Variants in KCTD3 observed in about 807,000 individuals in gnomAD.
The protein encoded by KCTD3 is potassium channel tetramerization domain containing 3.
A neutral mutation model predicts 85.8 loss-of-function variants in KCTD3; 41 were observed. That is an observed-to-expected ratio of 0.48 (90% CI 0.37 to 0.62). The LOEUF (loss-of-function observed/expected upper bound fraction) is 0.62, where lower values mean the gene tolerates loss of function less well. Among genes scored for constraint, KCTD3 ranks in the 20% least tolerant of loss-of-function variants. The pLI is 0.00. For missense variants in KCTD3, 724 were observed against 989.9 expected, an observed-to-expected ratio of 0.73 and a Z score of 3.60; for synonymous variants, 338 against 345.4, an observed-to-expected ratio of 0.98 and a Z score of 0.24.
intron 8 of KCTD3, among the ~76,000 whole-genome samples, chr1:215,581,555 T>C (rs1477263467): frequency 6.6e-6 from 1 of 152,236 alleles, no homozygotes; most frequent in Admixed American, 6.5e-5. Flanking sequence ...GTTTTGTTAC[T>C]GTACACAATA....
At chr1:215,606,751 C>A (rs1054426681) in intron 13 of KCTD3, among the ~76,000 whole-genome samples, 4 of 151,894 alleles carry the variant, frequency 2.6e-5, no homozygotes, top group Admixed American at 6.6e-5. Context: ...TTTGTGTATA[C>A]TCAGTTATGT....
At chr1:215,594,750 A>G (rs145485481) in intron 9 of KCTD3, among the ~76,000 whole-genome samples, 5 of 152,296 alleles carry the variant, frequency 3.3e-5, no homozygotes, top group Non-Finnish European at 5.9e-5. Context: ...AATTAATTAA[A>G]TGGAGATTGC....
intron 15 of KCTD3, among the ~76,000 whole-genome samples, chr1:215,615,079 A>G (rs73087423): frequency 0.033 from 5,077 of 152,282 alleles, 207 homozygotes; most frequent in African/African-American, 0.094. Flanking sequence ...ATTTCTGCAT[A>G]ATAAAACAAA....
chr1:215,613,677 T>C (rs749572148), intron 15 of KCTD3, among the ~76,000 whole-genome samples: 6 of 152,164 alleles, frequency 3.9e-5, no homozygotes, highest in Non-Finnish European at 8.8e-5. Context: ...GATTTTTGTA[T>C]GTAGTAAGAG....
At position 215,567,632 on chromosome 1, in the gene KCTD3, T is replaced by G. The variant is rs1659181479; in HGVS notation, c.-54T>G. 2 of 1,117,454 alleles carry G rather than the reference T, an allele frequency of 1.8e-6. No homozygotes were observed. The highest frequency in any genetic ancestry group is 8.9e-5 in the Admixed American group (2 of 22,512). 69.2% of individuals were successfully genotyped at this position (1,117,454 alleles called of 1,614,324 possible). A position where few individuals can be genotyped will look rare whatever the true frequency, so the allele number is the denominator to read the frequency against. ...GCTGCCTCGGGCTACAGCCCCGGGC[T>G]CGGCGGTCCCGGCTGGGGAAGGAGG... On this transcript the variant is annotated 5_prime_UTR_variant, in exon 1 of 18. Coordinates refer to ENST00000259154, the MANE Select transcript of KCTD3 (RefSeq NM_016121.5).
intron 13 of KCTD3, among the ~76,000 whole-genome samples, chr1:215,605,119 A>G (rs2102594083): frequency 1.3e-5 from 2 of 152,312 alleles, no homozygotes; most frequent in Admixed American, 1.3e-4. Flanking sequence ...GGAGTCTTAC[A>G]TTAACTCCTT....
Position 215,593,210 on chromosome 1 carries a change from T to A in KCTD3, c.818-2146T>A, listed in dbSNP as rs3767259. Among the ~76,000 whole-genome samples the A allele has an allele frequency of 5.9e-3, 897 of 152,362 alleles. 21 individuals carry two copies. In the South Asian group the frequency reaches 0.066, roughly 11 times the overall value. On this transcript the variant is annotated intron_variant, in intron 9 of 17. Coordinates refer to ENST00000259154, the MANE Select transcript of KCTD3 (RefSeq NM_016121.5). ...TATGCTTTGAAGTGGCAGGTTCATTTCTTAACCAATTCTGGGCAACGGACT... is the reference window on the plus strand; with the variant it reads ...TATGCTTTGAAGTGGCAGGTTCATTACTTAACCAATTCTGGGCAACGGACT...
At chr1:215,579,174 C>T (rs776672427) in intron 7 of KCTD3, 37 bp downstream of exon 7, 12 of 1,573,048 alleles carry the variant, frequency 7.6e-6, no homozygotes, top group Admixed American at 7.1e-5. Context: ...AAGAAAAATA[C>T]GTATGTTTTT....
At chr1:215,584,881 A>C (rs2102568114) in intron 8 of KCTD3, among the ~76,000 whole-genome samples, 1 of 152,208 alleles carries the variant, frequency 6.6e-6, no homozygotes, top group East Asian at 1.9e-4. Context: ...TCAGATAGAG[A>C]GAAAGAAATA....
In KCTD3 at chr1:215,578,038, C is replaced by T. The variant is rs368679009; in HGVS notation, c.354C>T (p.Ser118=). 2 of 1,612,350 alleles carry T rather than the reference C, an allele frequency of 1.2e-6. No individual in the cohort carries two copies. Among genetic ancestry groups the T allele is most frequent in the Non-Finnish European group, 1.7e-6 (2 of 1,179,080 alleles). The change falls in exon 6 of 18, where the codon TCC becomes TCT. Residue 118 remains serine, a synonymous_variant. Coordinates refer to ENST00000259154, the MANE Select transcript of KCTD3 (RefSeq NM_016121.5). The stretch of plus-strand genomic sequence containing the variant: ...TCTTATGTGAAGAATTGGAGCGTTC[C>T]TCTTGTGGCAGTGTCCTTTTTCATG... The part of the protein sequence containing the change: ...RLLLCEELER[S]SCGSVLFHGY...
chr1:215,600,793 A>G (rs1174539300), intron 10 of KCTD3, among the ~76,000 whole-genome samples: 1 of 152,196 alleles, frequency 6.6e-6, no homozygotes, highest in Non-Finnish European at 1.5e-5. Context: ...CTTGTATGCA[A>G]AACTTGGTGT....
At chr1:215,575,016 T>C (rs1192545001) in intron 3 of KCTD3, among the ~76,000 whole-genome samples, 18 of 151,782 alleles carry the variant, frequency 1.2e-4, no homozygotes, top group Admixed American at 1.2e-3. Context: ...CTTTAGGAGG[T>C]CGAGGCAAGT....
chr1:215,568,893 C>A (rs1177158347), intron 1 of KCTD3, among the ~76,000 whole-genome samples: 1 of 151,982 alleles, frequency 6.6e-6, no homozygotes, highest in African/African-American at 2.4e-5. Flanking sequence ...AACGTTATTG[C>A]AGTTGTATAG....
At chr1:215,573,758 TATA>T (rs777787194) in intron 1 of KCTD3, 25 bp from the exon 2 acceptor site, 3 of 1,385,950 alleles carry the variant, frequency 2.2e-6, no homozygotes, top group Non-Finnish European at 3.0e-6. Context: ...TGTTCTCACT[TATA>T]ATACCAGATG....
chr1:215,601,703 A>G (rs1654843380), intron 10 of KCTD3, among the ~76,000 whole-genome samples, 164 bp from the exon 11 acceptor site: 1 of 152,224 alleles, frequency 6.6e-6, no homozygotes, highest in African/African-American at 2.4e-5. Context: ...GTTTGTGTAT[A>G]TGTGTGTGCA....
chr1:215,607,238 C>T (rs1655060308), intron 13 of KCTD3, among the ~76,000 whole-genome samples: 1 of 151,712 alleles, frequency 6.6e-6, no homozygotes, highest in African/African-American at 2.4e-5. Context: ...TAGTTCATTG[C>T]TAATAATAAC....
intron 12 of KCTD3, among the ~76,000 whole-genome samples, chr1:215,602,979 T>A (rs913289145): frequency 2.6e-5 from 4 of 152,204 alleles, no homozygotes; most frequent in African/African-American, 9.6e-5. Flanking sequence ...AAACCACGGA[T>A]TTCTAGCCAA....
intron 6 of KCTD3, 126 bp from the exon 7 acceptor site, chr1:215,578,874 G>T: frequency 7.8e-6 from 4 of 513,028 alleles, no homozygotes; most frequent in Non-Finnish European, 1.0e-5. Flanking sequence ...GTAATAATTT[G>T]CTATATTGGA....
chr1:215,618,372 C>G (rs561346516), intron 15 of KCTD3: 4 of 165,218 alleles, frequency 2.4e-5, no homozygotes, highest in Non-Finnish European at 5.2e-5. Context: ...CTGTATGCTT[C>G]TCAAATTCAT....
Sources: gnomAD v4.1 joint callset for allele counts (sites outside exome capture counted in the v4.1 genomes callset) on GRCh38, gnomAD v4.1.1 for gene constraint, MANE v1.5 for transcripts, NCBI Gene and HGNC (gene_info 2026-07-23, HGNC 2026-07-21) for gene names.